The following NUGGC variants were observed in gnomAD, a reference collection of about 807,000 sequenced individuals.
The protein encoded by NUGGC is nuclear GTPase SLIP-GC.
Under a neutral mutation model 92.6 loss-of-function variants are expected in NUGGC, and 58 were observed. The observed-to-expected ratio is 0.63, with a 90% CI of 0.51 to 0.78. NUGGC has a LOEUF of 0.78. Ranked by LOEUF, NUGGC falls within the 30% of genes least tolerant of loss-of-function variation. The pLI is 0.00. For synonymous variants in NUGGC, 376 were observed against 366.4 expected, an observed-to-expected ratio of 1.03 and a Z score of -0.30; for missense variants, 925 against 964.6, an observed-to-expected ratio of 0.96 and a Z score of 0.54.
intron 15 of NUGGC, 65 bp downstream of exon 15, chr8:28,031,178 A>G: frequency 1.3e-6 from 2 of 1,587,320 alleles, no homozygotes; most frequent in Non-Finnish European, 1.7e-6. Flanking sequence ...GGCAACCTAC[A>G]AAACTGGCCT....
intron 7 of NUGGC, among the ~76,000 whole-genome samples, chr8:28,061,086 C>G (rs1216346522): frequency 1.3e-5 from 2 of 152,194 alleles, no homozygotes; most frequent in Admixed American, 6.5e-5. Flanking sequence ...AGTCCCAGTC[C>G]CAGATCCATC....
intron 7 of NUGGC, 129 bp downstream of exon 7, chr8:28,064,393 T>C (rs905485024): frequency 2.1e-4 from 169 of 821,708 alleles, no homozygotes; most frequent in Non-Finnish European, 3.1e-4. Flanking sequence ...ACTTAGAACA[T>C]AGAAATTAAA....
chr8:28,072,905 A>G (rs1810624621), intron 2 of NUGGC, among the ~76,000 whole-genome samples: 1 of 151,542 alleles, frequency 6.6e-6, no homozygotes, highest in African/African-American at 2.4e-5. Context: ...AAAGCGTAGT[A>G]TACTGCTGCT....
At chr8:28,027,145 G>T in intron 17 of NUGGC, 93 bp from the exon 18 acceptor site, 1 of 1,037,134 alleles carries the variant, frequency 9.6e-7, no homozygotes, top group Non-Finnish European at 1.5e-6. Flanking sequence ...CCCAGCCACG[G>T]AAGGTACAGA....
intron 14 of NUGGC, 85 bp downstream of exon 14, chr8:28,033,453 TAC>T: frequency 2.3e-6 from 3 of 1,301,748 alleles, no homozygotes. Flanking sequence ...TCTTTACACT[TAC>T]AGATCCAAAG....
rs1449584879 is a variant in NUGGC at position 28,031,403 on chromosome 8, A to G, written c.1770-22T>C. ...CGTCCTACGGAAGAAAGTGACAAAA[A>G]AGTTTAAGAGAATGGTGGCTGCTGT... On this transcript the variant is annotated intron_variant, in intron 14 of 18. Coordinates refer to ENST00000413272, the MANE Select transcript of NUGGC (RefSeq NM_001010906.2). 5 of 1,611,296 alleles carry G rather than the reference A, an allele frequency of 3.1e-6. No individual in the cohort carries two copies. In the East Asian group the frequency reaches 6.7e-5, roughly 22 times the overall value.
intron 16 of NUGGC, 63 bp from the exon 17 acceptor site, chr8:28,029,465 A>G (rs1351440678): frequency 8.3e-6 from 13 of 1,570,184 alleles, no homozygotes; most frequent in Non-Finnish European, 1.0e-5. Context: ...CTTTGGCACC[A>G]TGGCCGGGCA....
At chr8:28,030,463 A>G (rs1031159753) in intron 15 of NUGGC, 45 bp from the exon 16 acceptor site, 6 of 1,039,842 alleles carry the variant, frequency 5.8e-6, no homozygotes, top group South Asian at 1.4e-5. Context: ...AATTCCTTCA[A>G]TGGAAGCAGG....
intron 8 of NUGGC, among the ~76,000 whole-genome samples, chr8:28,058,596 C>A (rs893981961): frequency 6.6e-6 from 1 of 152,208 alleles, no homozygotes; most frequent in African/African-American, 2.4e-5. Context: ...TAACTTTTAA[C>A]CCTCTTTTAG....
At chr8:28,024,794 C>T (rs867774221) in intron 18 of NUGGC, among the ~76,000 whole-genome samples, 1 of 152,194 alleles carries the variant, frequency 6.6e-6, no homozygotes, top group East Asian at 1.9e-4. Flanking sequence ...ATCAACCTAA[C>T]CTTTGAGGCT....
intron 1 of NUGGC, among the ~76,000 whole-genome samples, chr8:28,078,722 C>T (rs973677456): frequency 2.0e-5 from 3 of 152,118 alleles, no homozygotes; most frequent in Non-Finnish European, 4.4e-5. Context: ...TGGCCAAGAG[C>T]AGTACACCAA....
At chr8:28,025,124 C>T (rs1337374291) in intron 18 of NUGGC, among the ~76,000 whole-genome samples, 1 of 152,228 alleles carries the variant, frequency 6.6e-6, no homozygotes, top group African/African-American at 2.4e-5. Flanking sequence ...TATTGGCCAC[C>T]ACTGTGTCCT....
intron 7 of NUGGC, among the ~76,000 whole-genome samples, chr8:28,061,136 C>T (rs548412826): frequency 1.3e-5 from 2 of 152,312 alleles, no homozygotes; most frequent in South Asian, 4.1e-4. Context: ...GGGGAAAATT[C>T]TTGTTTTTCC....
intron 3 of NUGGC, 119 bp from the exon 4 acceptor site, chr8:28,069,771 C>T (rs535695668): frequency 3.3e-5 from 23 of 704,738 alleles, no homozygotes; most frequent in Admixed American, 1.3e-4. Flanking sequence ...AATGAAAAGC[C>T]GATTAAACAA....
chr8:28,070,542 G>A (rs2130259376), intron 2 of NUGGC, among the ~76,000 whole-genome samples, 186 bp from the exon 3 acceptor site: 1 of 151,734 alleles, frequency 6.6e-6, no homozygotes, highest in East Asian at 2.0e-4. Context: ...CTTGAGGTCA[G>A]GAGTTCGAGA....
Position 28,048,756 on chromosome 8 carries a change from G to A in NUGGC, c.1207-1144C>T, listed in dbSNP as rs144058953. Reference sequence around the variant, plus strand: ...TGCGCACTTGTAGTCGCAGCTACTCGGGAGGCTGAGACAAGAGAATTGTTT... The same window carrying A: ...TGCGCACTTGTAGTCGCAGCTACTCAGGAGGCTGAGACAAGAGAATTGTTT... On this transcript the variant is annotated intron_variant, in intron 10 of 18. Transcript: ENST00000413272. Among the ~76,000 whole-genome samples the A allele has an allele frequency of 6.6e-3, 1,008 of 151,674 alleles. 12 individuals are homozygous for A. The highest frequency in any genetic ancestry group is 0.023 in the African/African-American group (939 of 41,308).
chr8:28,060,259 G>A, intron 8 of NUGGC, 167 bp downstream of exon 8: 1 of 743,488 alleles, frequency 1.3e-6, no homozygotes, highest in South Asian at 1.5e-5. Context: ...CCCAACCAAG[G>A]GTCCTGATGT....
At chr8:28,031,419 T>C (rs2130082432) in intron 14 of NUGGC, 38 bp from the exon 15 acceptor site, 1 of 1,605,328 alleles carries the variant, frequency 6.2e-7, no homozygotes, top group Non-Finnish European at 8.5e-7. Flanking sequence ...AAGAGAATGG[T>C]GGCTGCTGTG....
chr8:28,025,162 A>G (rs1158843142), intron 18 of NUGGC, among the ~76,000 whole-genome samples: 1 of 152,208 alleles, frequency 6.6e-6, no homozygotes, highest in African/African-American at 2.4e-5. Context: ...CCTGGCACCC[A>G]GGACGTGATC....
Sources: gnomAD v4.1 joint callset for allele counts (sites outside exome capture counted in the v4.1 genomes callset) on GRCh38, gnomAD v4.1.1 for gene constraint, MANE v1.5 for transcripts, NCBI Gene and HGNC (gene_info 2026-07-23, HGNC 2026-07-21) for gene names.